The following THADA variants were observed in gnomAD, a reference collection of about 807,000 sequenced individuals.
THADA encodes the protein THADA armadillo repeat containing.
A neutral mutation model predicts 219.8 loss-of-function variants in THADA; 213 were observed. That is an observed-to-expected ratio of 0.97 (90% CI 0.87 to 1.09). The LOEUF (loss-of-function observed/expected upper bound fraction) is 1.09, where lower values mean the gene tolerates loss of function less well. THADA is among the 50% of genes least tolerant of loss of function. THADA has a pLI of 0.00. For synonymous variants in THADA, 1,018 were observed against 828.9 expected (o/e 1.23, Z -3.92); for missense variants, 2,956 against 2,311.3 (o/e 1.28, Z -5.72).
In THADA at chr2:43,566,712, A is replaced by C; in HGVS notation, c.2297T>G (p.Phe766Cys). The change falls in exon 15 of 38, where the codon TTT becomes TGT. Residue 766 changes from phenylalanine (F) to cysteine (C), a missense_variant. Phe to Cys is a radical substitution (Grantham distance 205, BLOSUM62 -2). Transcript: ENST00000405975. ...LTILGSIAEV[F>C]HVPEGRIYTV... ...TAAACACTTACCTTCTGGGACATGA[A>C]AAACTTCAGCTATTGAACCTAAAAT... The C allele has an allele frequency of 1.2e-6, 2 of 1,606,036 alleles. No individual in the cohort carries two copies. The highest frequency in any genetic ancestry group is 2.3e-5 in the South Asian group (2 of 88,414).
chr2:43,302,812 G>A (rs1219609838), intron 31 of THADA, among the ~76,000 whole-genome samples: 3 of 152,128 alleles, frequency 2.0e-5, no homozygotes, highest in Non-Finnish European at 4.4e-5. Context: ...AGCTAGCTGG[G>A]AGGCTGAGGC....
intron 30 of THADA, chr2:43,342,977 A>AT (rs1667218613): frequency 6.6e-6 from 1 of 152,156 alleles, no homozygotes; most frequent in African/African-American, 2.4e-5. Flanking sequence ...GACAGCCAAT[A>AT]TACTTTTTTC....
chr2:43,402,363 T>C (rs960940865), intron 28 of THADA, among the ~76,000 whole-genome samples: 3 of 152,076 alleles, frequency 2.0e-5, no homozygotes, highest in African/African-American at 4.8e-5. Context: ...AGATGAAGGA[T>C]CTTCAAATGA....
intron 27 of THADA, among the ~76,000 whole-genome samples, chr2:43,429,541 T>C (rs1678962084): frequency 6.6e-6 from 1 of 152,086 alleles, no homozygotes; most frequent in Non-Finnish European, 1.5e-5. Context: ...GTGATCATAT[T>C]AGTCAGCTAA....
chr2:43,542,754 T>C (rs1229795988), intron 20 of THADA, among the ~76,000 whole-genome samples: 1 of 152,240 alleles, frequency 6.6e-6, no homozygotes, highest in Non-Finnish European at 1.5e-5. Context: ...ACTGCTCTTA[T>C]ATCACCTGGG....
chr2:43,293,919 GT>G (rs1675047677), intron 31 of THADA, among the ~76,000 whole-genome samples: 1 of 152,132 alleles, frequency 6.6e-6, no homozygotes, highest in African/African-American at 2.4e-5. Flanking sequence ...CTCCTGCATG[GT>G]TTGACCCGCA....
intron 35 of THADA, among the ~76,000 whole-genome samples, chr2:43,280,443 C>T (rs997602898): frequency 7.9e-5 from 12 of 152,002 alleles, no homozygotes; most frequent in African/African-American, 1.7e-4. Flanking sequence ...ACCATCCTGA[C>T]CCATATGGTG....
At chr2:43,457,686 T>A (rs1196852176) in intron 26 of THADA, among the ~76,000 whole-genome samples, 1 of 152,208 alleles carries the variant, frequency 6.6e-6, no homozygotes, top group African/African-American at 2.4e-5. Context: ...AAATGTTATT[T>A]AAAATTCAGT....
intron 26 of THADA, among the ~76,000 whole-genome samples, chr2:43,452,682 T>C (rs929023587): frequency 6.6e-6 from 1 of 152,208 alleles, no homozygotes; most frequent in Admixed American, 6.5e-5. Context: ...GTTCCTCACC[T>C]GAGCTTCTAC....
intron 37 of THADA, among the ~76,000 whole-genome samples, chr2:43,231,819 C>CACTT (rs1160259586): frequency 6.6e-6 from 1 of 152,206 alleles, no homozygotes; most frequent in Non-Finnish European, 1.5e-5. Context: ...TTTTGTCAGA[C>CACTT]ACTTACCATG....
chr2:43,566,208 GTAT>G, intron 15 of THADA: 1 of 431,014 alleles, frequency 2.3e-6, no homozygotes, highest in Non-Finnish European at 4.1e-6. Context: ...AAAACAAAGG[GTAT>G]TATTAAATCA....
chr2:43,304,856 G>A (rs141527542), intron 31 of THADA, among the ~76,000 whole-genome samples: 7 of 152,084 alleles, frequency 4.6e-5, no homozygotes, highest in Non-Finnish European at 7.4e-5. Context: ...ATTTTTAGTA[G>A]AGACAGGGTT....
chr2:43,313,509 G>GTAT (rs1677740686), intron 31 of THADA, among the ~76,000 whole-genome samples: 1 of 152,232 alleles, frequency 6.6e-6, no homozygotes. Flanking sequence ...CAGCAGCCTG[G>GTAT]TATTAGGAAG....
chr2:43,429,999 T>C (rs966399260), intron 27 of THADA, among the ~76,000 whole-genome samples: 3 of 151,770 alleles, frequency 2.0e-5, no homozygotes, highest in African/African-American at 4.8e-5. Context: ...CGAAACCCCA[T>C]CTCTACAAAA....
intron 35 of THADA, 98 bp downstream of exon 35, chr2:43,286,810 C>T: frequency 2.2e-6 from 3 of 1,372,802 alleles, no homozygotes; most frequent in Non-Finnish European, 3.0e-6. Flanking sequence ...AGGCAGGTGT[C>T]ATGTTGCCAT....
intron 30 of THADA, among the ~76,000 whole-genome samples, chr2:43,330,604 C>T (rs1679853447): frequency 6.6e-6 from 1 of 152,208 alleles, no homozygotes; most frequent in African/African-American, 2.4e-5. Flanking sequence ...TCTACCAGGT[C>T]ACTACTGGAA....
At chr2:43,331,276 A>G (rs954044319) in intron 30 of THADA, among the ~76,000 whole-genome samples, 3 of 152,248 alleles carry the variant, frequency 2.0e-5, no homozygotes, top group Non-Finnish European at 4.4e-5. Flanking sequence ...TCTCAAGTGC[A>G]TACAGATATC....
intron 30 of THADA, among the ~76,000 whole-genome samples, chr2:43,330,773 G>C (rs1339552581): frequency 6.6e-6 from 1 of 152,220 alleles, no homozygotes; most frequent in Non-Finnish European, 1.5e-5. Flanking sequence ...GCTCCTAAGA[G>C]AGGGCCCTTG....
In THADA at chr2:43,292,991, G is replaced by C. The variant is rs527237721; in HGVS notation, c.4661C>G (p.Pro1554Arg). Reference sequence around the variant, plus strand: ...TTCCAGTGTTAGTGAGCGCACTTCAGGGAAGGCAGATTCTAACAGCTGAGA... The same window carrying C: ...TTCCAGTGTTAGTGAGCGCACTTCACGGAAGGCAGATTCTAACAGCTGAGA... ...SFSQLLESAF[P>R]EVRSLTLEAL... The change falls in exon 32 of 38, where the codon CCT becomes CGT. Residue 1554 changes from proline to arginine, a missense_variant. Pro to Arg is a moderately radical substitution (Grantham distance 103). Transcript: ENST00000405975. 21 of 1,613,880 alleles carry C rather than the reference G, an allele frequency of 1.3e-5. No homozygotes were observed. Among genetic ancestry groups the C allele is most frequent in the Non-Finnish European group, 1.7e-5 (20 of 1,179,894 alleles).
Sources: allele counts gnomAD v4.1 joint callset (sites outside exome capture counted in the v4.1 genomes callset), GRCh38; gene constraint gnomAD v4.1.1; transcripts MANE v1.5; gene names NCBI Gene and HGNC (gene_info 2026-07-23, HGNC 2026-07-21).